Variants in LMNTD1 observed in about 807,000 individuals in gnomAD.
LMNTD1 encodes the protein lamin tail domain-containing protein 1.
In LMNTD1, 35 loss-of-function variants were observed where a neutral mutation model predicts 50.9. The ratio of observed to expected loss-of-function variants is 0.69; its 90% CI spans 0.53 to 0.91. The LOEUF (loss-of-function observed/expected upper bound fraction) is 0.91, where lower values mean the gene tolerates loss of function less well. Ranked by LOEUF, LMNTD1 falls within the 40% of genes least tolerant of loss-of-function variation. The pLI is 0.00. For synonymous variants in LMNTD1, 153 were observed against 161.9 expected (o/e 0.94, Z 0.42); for missense variants, 470 against 475.5 (o/e 0.99, Z 0.11).
At chr12:25,493,363 T>C (rs922761591) in intron 9 of LMNTD1, among the ~76,000 whole-genome samples, 5 of 152,214 alleles carry the variant, frequency 3.3e-5, no homozygotes, top group Non-Finnish European at 7.3e-5. Context: ...CACTGGATTT[T>C]AGTGACTAAA....
At chr12:25,584,693 A>G (rs1344752334) in intron 1 of LMNTD1, among the ~76,000 whole-genome samples, 1 of 152,208 alleles carries the variant, frequency 6.6e-6, no homozygotes, top group African/African-American at 2.4e-5. Flanking sequence ...TACAACTAAC[A>G]GGGTTAAAAC....
intron 1 of LMNTD1, among the ~76,000 whole-genome samples, chr12:25,632,638 T>C (rs905781179): frequency 2.0e-5 from 3 of 152,170 alleles, no homozygotes; most frequent in African/African-American, 7.2e-5. Context: ...CAAGGACTGC[T>C]AAAAGGAGCT....
At chr12:25,537,739 C>A (rs1408621639) in intron 4 of LMNTD1, among the ~76,000 whole-genome samples, 1 of 152,198 alleles carries the variant, frequency 6.6e-6, no homozygotes, top group Non-Finnish European at 1.5e-5. Context: ...CTTTGACGAG[C>A]TGAGAGAAGA....
rs191256348 is a variant in LMNTD1 at position 25,509,101 on chromosome 12, A to G, written c.1190-5301T>C. On this transcript the variant is annotated intron_variant, in intron 8 of 9. Coordinates refer to ENST00000458174, the MANE Select transcript of LMNTD1 (RefSeq NM_001145728.2). ...TGTTTAACTGAATTATAATGAAAGT[A>G]TGACATATATCTTTTTGTTTTTTGA... Among the ~76,000 whole-genome samples the G allele has an allele frequency of 3.3e-5, 5 of 152,264 alleles. No homozygotes were observed. The East Asian group carries it at 7.7e-4, about 24-fold the overall frequency.
At chr12:25,553,353 G>T, upstream of LMNTD1, 1 of 864,190 alleles carries the variant, frequency 1.2e-6, no homozygotes, top group Non-Finnish European at 1.6e-6. Flanking sequence ...CCAAGTTCCA[G>T]TTTCTGAACA....
intron 4 of LMNTD1, among the ~76,000 whole-genome samples, chr12:25,539,771 T>A (rs201446693): frequency 0.011 from 1,319 of 123,288 alleles, 43 homozygotes; most frequent in Non-Finnish European, 0.016. Context: ...CTTTAAAAAA[T>A]TAATGAATCC....
intron 2 of LMNTD1, among the ~76,000 whole-genome samples, chr12:25,552,117 G>A (rs553303003): frequency 6.4e-4 from 98 of 152,198 alleles, no homozygotes; most frequent in African/African-American, 2.3e-3. Flanking sequence ...TACTCAATAA[G>A]TCAATTTTAA....
intron 1 of LMNTD1, among the ~76,000 whole-genome samples, chr12:25,621,164 A>G (rs545106480): frequency 6.6e-6 from 1 of 152,336 alleles, no homozygotes; most frequent in South Asian, 2.1e-4. Context: ...CTTAGAGTTA[A>G]CACATGTTAA....
Position 25,559,569 on chromosome 12 carries a change from G to T in LMNTD1, c.59-13015C>A, listed in dbSNP as rs146352748. On this transcript the variant is annotated intron_variant, in intron 1 of 7. Coordinates refer to the LMNTD1 transcript ENST00000445693. ...CCTTTGGTTATATGTCCAGTAATGG[G>T]ATGGCTGGGTCAAATGGTATTTCTA... is the stretch of plus-strand genomic sequence containing the variant. 9.8e-5 allele frequency among the ~76,000 whole-genome samples: 15 copies of T among 152,328 alleles called. No individual in the cohort carries two copies. The East Asian group carries it at 2.7e-3, about 27-fold the overall frequency.
intron 4 of LMNTD1, among the ~76,000 whole-genome samples, chr12:25,539,585 G>A (rs1388727478): frequency 6.6e-6 from 1 of 151,478 alleles, no homozygotes; most frequent in African/African-American, 2.4e-5. Flanking sequence ...GTGTGTAGAG[G>A]GAAATTTATA....
chr12:25,596,052 AC>A (rs1945838276), intron 1 of LMNTD1, among the ~76,000 whole-genome samples: 1 of 152,102 alleles, frequency 6.6e-6, no homozygotes, highest in East Asian at 1.9e-4. Flanking sequence ...AGAATTAGAT[AC>A]CCTGAACAGA....
intron 8 of LMNTD1, among the ~76,000 whole-genome samples, chr12:25,514,845 T>C (rs1032956943): frequency 3.9e-5 from 6 of 152,160 alleles, no homozygotes; most frequent in African/African-American, 1.4e-4. Context: ...GAACTTCACA[T>C]TAAGATAATG....
At chr12:25,558,033 C>T (rs989803962), upstream of LMNTD1, among the ~76,000 whole-genome samples, 5 of 152,202 alleles carry the variant, frequency 3.3e-5, no homozygotes, top group East Asian at 1.9e-4. Context: ...GGAACACTAG[C>T]GCCCCCTAGG....
At chr12:25,551,586 T>C (rs1943748286) in intron 2 of LMNTD1, among the ~76,000 whole-genome samples, 1 of 152,140 alleles carries the variant, frequency 6.6e-6, no homozygotes, top group East Asian at 1.9e-4. Flanking sequence ...ACATGTGGTG[T>C]TGCTATGTTG....
rs757599734 is a variant in LMNTD1 at position 25,553,118 on chromosome 12, A to G, written c.-80T>C. 1.2e-6 allele frequency: 2 copies of G among 1,612,788 alleles called. No homozygotes were observed. The highest frequency in any genetic ancestry group is 2.2e-5 in the South Asian group (2 of 90,976). On this transcript the variant is annotated 5_prime_UTR_variant, in exon 1 of 10. The change abolishes the stop of an existing upstream ORF in the 5' untranslated region. Transcript: ENST00000458174. Reference sequence around the variant, plus strand: ...ATCAGCTAGGTTTAATAATTTCTTTACCAAACTAGTACCAGAACCACAATT... The same window carrying G: ...ATCAGCTAGGTTTAATAATTTCTTTGCCAAACTAGTACCAGAACCACAATT...
intron 1 of LMNTD1, among the ~76,000 whole-genome samples, chr12:25,586,290 C>T (rs914356000): frequency 2.6e-5 from 4 of 152,048 alleles, no homozygotes; most frequent in African/African-American, 9.7e-5. Flanking sequence ...AAAGCCATCA[C>T]CCCATCCACT....
At chr12:25,568,396 G>C (rs1388542888) in intron 1 of LMNTD1, among the ~76,000 whole-genome samples, 1 of 152,218 alleles carries the variant, frequency 6.6e-6, no homozygotes, top group Non-Finnish European at 1.5e-5. Context: ...CTAGAAGTTT[G>C]GAAAATTCAC....
rs190730123 is a variant in LMNTD1 at position 25,622,718 on chromosome 12, A to C, written c.58+25776T>G. ...AGTGTCCAACAACATTTAAGATTAC[A>C]CTCTGACCTCACGTATTCAGAGATG... On this transcript the variant is annotated intron_variant, in intron 1 of 7. Coordinates refer to the LMNTD1 transcript ENST00000445693. Among the ~76,000 whole-genome samples, 3 of 152,218 alleles carry C rather than the reference A, an allele frequency of 2.0e-5. No homozygotes were observed. In the East Asian group the frequency reaches 5.8e-4, roughly 29 times the overall value.
At chr12:25,648,507 G>T (rs1407968663) in exon 1 of LMNTD1, 8 of 1,551,470 alleles carry the variant, frequency 5.2e-6, no homozygotes, top group Non-Finnish European at 7.0e-6. Flanking sequence ...GGTGGGTCTG[G>T]ACTCTGGAAA....
Sources: gnomAD v4.1 joint callset for allele counts (sites outside exome capture counted in the v4.1 genomes callset) on GRCh38, gnomAD v4.1.1 for gene constraint, MANE v1.5 for transcripts, NCBI Gene and HGNC (gene_info 2026-07-23, HGNC 2026-07-21) for gene names.